Variants in SH2D7 observed in about 807,000 individuals in gnomAD.
The protein encoded by SH2D7 is SH2 domain-containing protein 7.
A neutral mutation model predicts 40.8 loss-of-function variants in SH2D7; 32 were observed. That is an observed-to-expected ratio of 0.78 (90% CI 0.59 to 1.05). The LOEUF (loss-of-function observed/expected upper bound fraction) is 1.05. Among genes scored for constraint, SH2D7 ranks in the 50% least tolerant of loss-of-function variants. The pLI is 0.00. For missense variants in SH2D7, 559 were observed against 566.6 expected, an observed-to-expected ratio of 0.99 and a Z score of 0.14; for synonymous variants, 195 against 221.5, an observed-to-expected ratio of 0.88 and a Z score of 1.06.
At chr15:78,099,480 A>ATTTTTTTT (rs34331155) in intron 4 of SH2D7, among the ~76,000 whole-genome samples, 1 of 133,130 alleles carries the variant, frequency 7.5e-6, no homozygotes, top group Non-Finnish European at 1.6e-5. Context: ...TGCCTGGCTA[A>ATTTTTTTT]TTTTTTTTTT....
Position 78,098,603 on chromosome 15 carries a change from A to G in SH2D7, c.645+7A>G. 6.2e-7 allele frequency: 1 copy of G among 1,612,312 alleles called. No homozygotes were observed. The highest frequency in any genetic ancestry group is 8.5e-7 in the Non-Finnish European group (1 of 1,179,262). Reference sequence around the variant, plus strand: ...CCAGGAGGAAAGCATGGAGGTGAGGAGCATTATGGGCCACCTAGAGTCAGG... The same window carrying G: ...CCAGGAGGAAAGCATGGAGGTGAGGGGCATTATGGGCCACCTAGAGTCAGG... On this transcript the variant is annotated splice_region_variant and intron_variant, in intron 4 of 5. Transcript: ENST00000328828.
chr15:78,103,246 T>G (rs1444171985), intron 5 of SH2D7, among the ~76,000 whole-genome samples: 1 of 152,104 alleles, frequency 6.6e-6, no homozygotes, highest in East Asian at 1.9e-4. Flanking sequence ...CTTCTCTCCT[T>G]AGCCAGAAGA....
intron 4 of SH2D7, among the ~76,000 whole-genome samples, chr15:78,099,024 T>C (rs906795132): frequency 1.3e-5 from 2 of 152,134 alleles, no homozygotes; most frequent in East Asian, 1.9e-4. Flanking sequence ...CTTTTCTTTT[T>C]TTTTTTTGAG....
Position 78,101,451 on chromosome 15 carries a change from G to T in SH2D7, c.1198G>T (p.Val400Phe), listed in dbSNP as rs1281871735. 1 of 1,613,166 alleles carries T rather than the reference G, an allele frequency of 6.2e-7. No individual in the cohort carries two copies. The highest frequency in any genetic ancestry group is 8.5e-7 in the Non-Finnish European group (1 of 1,179,628). The change falls in exon 5 of 6, where the codon GTC becomes TTC. Residue 400 changes from valine to phenylalanine, a missense_variant. Coordinates refer to ENST00000328828, the MANE Select transcript of SH2D7 (RefSeq NM_001101404.2). ...GGCCAGTCCCACATATAGCCCATGG[G>T]TCCATGGCTACAAGAGGATCTCAGG... ...PGASPTYSPW[V>F]HGYKRISGTP...
chr15:78,095,778 G>A (rs35907575), intron 2 of SH2D7, among the ~76,000 whole-genome samples: 3,981 of 152,220 alleles, frequency 0.026, 66 homozygotes, highest in Non-Finnish European at 0.039. Flanking sequence ...CACAAAAAGC[G>A]CTAATCTTAA....
At chr15:78,100,335 G>A (rs1017315330) in intron 4 of SH2D7, among the ~76,000 whole-genome samples, 6 of 152,198 alleles carry the variant, frequency 3.9e-5, no homozygotes, top group Admixed American at 2.0e-4. Flanking sequence ...CAATGGAGGT[G>A]GGAGGAGCAC....
intron 2 of SH2D7, among the ~76,000 whole-genome samples, chr15:78,097,309 A>T (rs2073979313): frequency 1.3e-5 from 2 of 152,226 alleles, no homozygotes; most frequent in South Asian, 4.1e-4. Context: ...CCTATATGGA[A>T]ATTCATCAAG....
upstream of SH2D7, among the ~76,000 whole-genome samples, chr15:78,090,832 T>A (rs985075200): frequency 2.8e-4 from 43 of 152,274 alleles, no homozygotes; most frequent in Admixed American, 1.1e-3. Context: ...CTCATTTTTT[T>A]AAACTTTTTC....
chr15:78,094,589 G>C (rs539752537), intron 2 of SH2D7, among the ~76,000 whole-genome samples: 3 of 152,324 alleles, frequency 2.0e-5, no homozygotes, highest in African/African-American at 7.2e-5. Flanking sequence ...GGGAGCTGCA[G>C]GGTGCTGGGG....
rs751788544 is a variant in SH2D7, at chr15:78,101,201, A to T, written c.948A>T (p.Gly316=). 2 of 1,595,060 alleles carry T rather than the reference A, an allele frequency of 1.3e-6. No individual in the cohort carries two copies. Among genetic ancestry groups the T allele is most frequent in the African/African-American group, 2.7e-5 (2 of 73,794 alleles). The part of the protein sequence containing the change: ...QGPTESPTSW[G]CSDAMGSLGA... Reference sequence around the variant, plus strand: ...CCACAGAGTCTCCCACTTCCTGGGGATGTTCTGATGCCATGGGATCCCTGG... The same window carrying T: ...CCACAGAGTCTCCCACTTCCTGGGGTTGTTCTGATGCCATGGGATCCCTGG... The change falls in exon 5 of 6, where the codon GGA becomes GGT. Residue 316 remains glycine, a synonymous_variant. Transcript: ENST00000328828.
At chr15:78,093,383 C>A (rs1298326153) in intron 1 of SH2D7, among the ~76,000 whole-genome samples, 1 of 152,246 alleles carries the variant, frequency 6.6e-6, no homozygotes, top group Non-Finnish European at 1.5e-5. Context: ...TGTCTGGAAA[C>A]TCTAAATCGT....
At chr15:78,099,189 G>C (rs904606437) in intron 4 of SH2D7, among the ~76,000 whole-genome samples, 6 of 151,950 alleles carry the variant, frequency 3.9e-5, no homozygotes, top group Non-Finnish European at 8.8e-5. Flanking sequence ...TCTAATTTTT[G>C]TATTTTTGGT....
chr15:78,090,926 A>G (rs147458766), upstream of SH2D7, among the ~76,000 whole-genome samples: 92 of 152,270 alleles, frequency 6.0e-4, no homozygotes, highest in African/African-American at 2.1e-3. Context: ...CACTCAATCC[A>G]CACTCACTCA....
intron 1 of SH2D7, among the ~76,000 whole-genome samples, chr15:78,093,764 A>T (rs983037772): frequency 6.6e-6 from 1 of 152,196 alleles, no homozygotes; most frequent in Non-Finnish European, 1.5e-5. Context: ...AGCTGTGTGG[A>T]TTTATTCTTG....
At chr15:78,093,090 C>A (rs1299085797) in intron 1 of SH2D7, among the ~76,000 whole-genome samples, 1 of 152,236 alleles carries the variant, frequency 6.6e-6, no homozygotes, top group Non-Finnish European at 1.5e-5. Flanking sequence ...AACCGGAACA[C>A]TATTAGTAAC....
rs754993308 is a variant in SH2D7 at position 78,098,056 on chromosome 15, G to A, written c.394G>A (p.Glu132Lys). The A allele has an allele frequency of 3.4e-5, 55 of 1,613,424 alleles. No individual in the cohort carries two copies. The highest frequency in any genetic ancestry group is 1.1e-4 in the African/African-American group (8 of 74,922). The change falls in exon 3 of 6, where the codon GAG (glutamate) becomes AAG (lysine). Residue 132 changes from glutamate (E) to lysine (K), a missense_variant. Transcript: ENST00000328828. Reference protein sequence around the residue: ...LVHHYQEAQLEPFKEMLTAAC... With the variant: ...LVHHYQEAQLKPFKEMLTAAC... ...GCACCATTACCAGGAGGCACAGCTC[G>A]AGCCCTTCAAAGAGATGCTGACTGC...
At chr15:78,091,757 T>G (rs1009496418), upstream of SH2D7, among the ~76,000 whole-genome samples, 7 of 152,202 alleles carry the variant, frequency 4.6e-5, no homozygotes, top group African/African-American at 1.7e-4. Context: ...GAGCTTCTGT[T>G]TTTTCTTCAA....
chr15:78,103,571 G>T lies in SH2D7; in HGVS notation c.*56G>T. Reference sequence around the variant, plus strand: ...TTTCCTGGTACCCAGGCCATGCCAGGGGTTATCGCAAAGGCCTCAGCTCAC... The same window carrying T: ...TTTCCTGGTACCCAGGCCATGCCAGTGGTTATCGCAAAGGCCTCAGCTCAC... On this transcript the variant is annotated 3_prime_UTR_variant, in exon 6 of 6. Coordinates refer to ENST00000328828, the MANE Select transcript of SH2D7 (RefSeq NM_001101404.2). The T allele has an allele frequency of 6.5e-7, 1 of 1,547,320 alleles. No individual in the cohort carries two copies.
At chr15:78,093,794 G>A (rs1380037174) in intron 1 of SH2D7, among the ~76,000 whole-genome samples, 1 of 152,248 alleles carries the variant, frequency 6.6e-6, no homozygotes, top group African/African-American at 2.4e-5. Flanking sequence ...CATCCAGGTG[G>A]AGAGTGGGTG....
Sources: gnomAD v4.1 joint callset for allele counts (sites outside exome capture counted in the v4.1 genomes callset) on GRCh38, gnomAD v4.1.1 for gene constraint, MANE v1.5 for transcripts, NCBI Gene and HGNC (gene_info 2026-07-23, HGNC 2026-07-21) for gene names.